Variants in KIF26B observed in about 807,000 individuals in gnomAD.
KIF26B encodes the protein kinesin family member 26B.
In KIF26B, 63 loss-of-function variants were observed where a neutral mutation model predicts 151.2. The ratio of observed to expected loss-of-function variants is 0.42; its 90% CI spans 0.34 to 0.51. KIF26B has a LOEUF of 0.51. Among genes scored for constraint, KIF26B ranks in the 20% least tolerant of loss-of-function variants. KIF26B has a pLI of 0.07. For missense variants in KIF26B, 2,813 were observed against 2,913.6 expected, an observed-to-expected ratio of 0.97 and a Z score of 0.79; for synonymous variants, 1,357 against 1,262.1, an observed-to-expected ratio of 1.08 and a Z score of -1.59.
chr1:245,656,252 G>T (rs180790672), intron 10 of KIF26B, among the ~76,000 whole-genome samples: 127 of 152,190 alleles, frequency 8.3e-4, no homozygotes, highest in African/African-American at 2.9e-3. Context: ...TGGGGCTGAG[G>T]AATGGCACAG....
At chr1:245,321,728 G>A (rs1004702653) in intron 2 of KIF26B, among the ~76,000 whole-genome samples, 4 of 152,198 alleles carry the variant, frequency 2.6e-5, no homozygotes, top group African/African-American at 4.8e-5. Context: ...AGATGCTGCT[G>A]ATTGAGCCGC....
intron 14 of KIF26B, among the ~76,000 whole-genome samples, chr1:245,700,042 A>G (rs918304918): frequency 2.6e-5 from 4 of 152,216 alleles, no homozygotes; most frequent in Non-Finnish European, 4.4e-5. Context: ...CACAGGGATA[A>G]GGTGATAACA....
At chr1:245,362,137 G>A (rs1225807579) in intron 2 of KIF26B, among the ~76,000 whole-genome samples, 5 of 151,564 alleles carry the variant, frequency 3.3e-5, no homozygotes, top group South Asian at 2.1e-4. Flanking sequence ...GGGTGAGAAT[G>A]ACCCTCTGTG....
At chr1:245,603,666 G>A (rs150818618) in intron 6 of KIF26B, among the ~76,000 whole-genome samples, 4 of 152,254 alleles carry the variant, frequency 2.6e-5, no homozygotes, top group African/African-American at 9.6e-5. Flanking sequence ...GGCTAGCTTG[G>A]GCTAGTTCTC....
intron 2 of KIF26B, chr1:245,283,035 C>T: frequency 4.3e-6 from 1 of 230,150 alleles, no homozygotes; most frequent in South Asian, 6.3e-5. Flanking sequence ...CACCTAATGG[C>T]CTGCAAATTC....
intron 4 of KIF26B, among the ~76,000 whole-genome samples, chr1:245,460,874 A>T (rs1018712390): frequency 2.0e-5 from 3 of 152,236 alleles, no homozygotes; most frequent in Admixed American, 1.3e-4. Context: ...GCTTCTGCAC[A>T]CATGCCATGC....
chr1:245,556,234 TCTTCTTCCTC>T (rs1397535933), intron 5 of KIF26B, among the ~76,000 whole-genome samples: 17 of 149,446 alleles, frequency 1.1e-4, no homozygotes, highest in East Asian at 3.9e-4. Context: ...CTCTTCTTCT[TCTTCTTCCTC>T]CTTCTTCCTC....
At chr1:245,463,271 C>A (rs1191844020) in intron 4 of KIF26B, among the ~76,000 whole-genome samples, 2 of 152,128 alleles carry the variant, frequency 1.3e-5, no homozygotes, top group Non-Finnish European at 1.5e-5. Flanking sequence ...ATTATCACTG[C>A]AGTTATATAG....
chr1:245,320,261 C>G (rs540238701), intron 2 of KIF26B, among the ~76,000 whole-genome samples: 20 of 152,168 alleles, frequency 1.3e-4, no homozygotes, highest in Non-Finnish European at 2.6e-4. Flanking sequence ...AGTCCTGATC[C>G]AAAGCTACTT....
chr1:245,424,322 A>G (rs1333536595), intron 4 of KIF26B, among the ~76,000 whole-genome samples: 2 of 151,906 alleles, frequency 1.3e-5, no homozygotes. Flanking sequence ...TAATTTTTGT[A>G]TTTTTAGTAG....
intron 4 of KIF26B, among the ~76,000 whole-genome samples, chr1:245,510,640 T>TCCCTGCCTGCCTGCCTCTGC (rs1660813949): frequency 6.9e-6 from 1 of 145,778 alleles, no homozygotes; most frequent in Non-Finnish European, 1.5e-5. Context: ...GTTTCACCCC[T>TCCCTGCCTGCCTGCCTCTGC]CCCTGCCTGC....
rs147152888 is a variant in KIF26B, at chr1:245,287,799, G to A, written c.466-79035G>A. ...ATTACAGGCGTGAGGCACCGCGCCC[G>A]GCCTGATCTCTTTACTGACACGTGC... On this transcript the variant is annotated intron_variant, in intron 2 of 14. Transcript: ENST00000407071. Among the ~76,000 whole-genome samples, 27 of 152,136 alleles carry A rather than the reference G, an allele frequency of 1.8e-4. No individual in the cohort carries two copies. In the East Asian group the frequency reaches 3.5e-3, roughly 20 times the overall value.
rs1157664638 is a variant in KIF26B, at chr1:245,223,799, T to C, written c.465+67116T>C. On this transcript the variant is annotated intron_variant, in intron 2 of 14. Coordinates refer to ENST00000407071, the MANE Select transcript of KIF26B (RefSeq NM_018012.4). ...TTTTCTCCTCTACACTGTGCTGACA[T>C]GTACGTAGATGGTGCAAAGGTAACG... Among the ~76,000 whole-genome samples the C allele has an allele frequency of 2.0e-5, 3 of 152,218 alleles. No homozygotes were observed. The East Asian group carries it at 5.8e-4, about 29-fold the overall frequency.
At chr1:245,504,194 C>T (rs879896374) in intron 4 of KIF26B, among the ~76,000 whole-genome samples, 6 of 152,098 alleles carry the variant, frequency 3.9e-5, no homozygotes, top group Non-Finnish European at 7.4e-5. Flanking sequence ...TTACATCACC[C>T]ATTGCTCTCT....
intron 5 of KIF26B, among the ~76,000 whole-genome samples, chr1:245,582,939 C>A (rs576782236): frequency 6.6e-6 from 1 of 152,246 alleles, no homozygotes; most frequent in African/African-American, 2.4e-5. Context: ...TCTCCCTGCA[C>A]CCCGCAAAAC....
At chr1:245,307,763 C>A (rs1209851864) in intron 2 of KIF26B, among the ~76,000 whole-genome samples, 1 of 141,848 alleles carries the variant, frequency 7.0e-6, no homozygotes, top group Non-Finnish European at 1.5e-5. Context: ...TTTTTTGAGA[C>A]GGAGTCTCGC....
chr1:245,602,563 T>C lies in KIF26B; in HGVS notation c.1351-14T>C. ...CTGTCTTCATCCATGCTGTCGCCCA[T>C]CTTTTCTTAACAGGTGAAAGTCATG... On this transcript the variant is annotated splice_polypyrimidine_tract_variant and intron_variant, in intron 5 of 14. Transcript: ENST00000407071. The surrounding 1 kb of genome is among the most constrained non-coding windows in gnomAD (Gnocchi z 4.5). 3.1e-6 allele frequency: 5 copies of C among 1,596,648 alleles called. No individual in the cohort carries two copies. The highest frequency in any genetic ancestry group is 4.3e-6 in the Non-Finnish European group (5 of 1,170,334).
chr1:245,675,287 G>A (rs1384571603), intron 10 of KIF26B, among the ~76,000 whole-genome samples: 1 of 152,172 alleles, frequency 6.6e-6, no homozygotes. Flanking sequence ...ATGATTGATT[G>A]ATTGATTTCC....
At chr1:245,670,547 A>T (rs1206326645) in intron 10 of KIF26B, among the ~76,000 whole-genome samples, 1 of 152,010 alleles carries the variant, frequency 6.6e-6, no homozygotes, top group South Asian at 2.1e-4. Context: ...AAAGAATTGA[A>T]AGCAGGAAAT....
Sources: allele counts gnomAD v4.1 joint callset (sites outside exome capture counted in the v4.1 genomes callset), GRCh38; gene constraint gnomAD v4.1.1; non-coding constraint Gnocchi (gnomAD v3.1); transcripts MANE v1.5; gene names NCBI Gene and HGNC (gene_info 2026-07-23, HGNC 2026-07-21).